The following TMEM245 variants were observed in gnomAD, a reference collection of about 807,000 sequenced individuals.
The protein encoded by TMEM245 is transmembrane protein 245, also known as protein CG-2.
TMEM245 carries 69 observed loss-of-function variants against 101.2 expected under a neutral mutation model. That is an observed-to-expected ratio of 0.68 (90% CI 0.56 to 0.83). TMEM245 has a LOEUF of 0.83. TMEM245 is among the 40% of genes least tolerant of loss of function. The probability of loss-of-function intolerance (pLI) is 0.00; values close to 1 mark genes in which losing one functional copy is unlikely to be tolerated. For synonymous variants in TMEM245, 537 were observed against 449.8 expected, an observed-to-expected ratio of 1.19 and a Z score of -2.45; for missense variants, 1,075 against 1,092.8, an observed-to-expected ratio of 0.98 and a Z score of 0.23.
In TMEM245 at chr9:109,119,530, G is replaced by A; in HGVS notation, c.384C>T (p.Leu128=). 5 of 1,529,212 alleles carry A rather than the reference G, an allele frequency of 3.3e-6. No individual in the cohort carries two copies. Among genetic ancestry groups the A allele is most frequent in the East Asian group, 2.6e-5 (1 of 38,952 alleles). The allele number at this position is 1,529,212 out of a possible 1,614,324, so 94.7% of individuals were successfully genotyped here. The change falls in exon 1 of 18, where the codon CTC becomes CTT. Residue 128 remains leucine (L), a synonymous_variant. Coordinates refer to ENST00000374586, the MANE Select transcript of TMEM245 (RefSeq NM_032012.4). Reference sequence around the variant, plus strand: ...CCTCGACGCCGTAGTCGACGAAGCAGAGCGGCAGGAGCAGCGCGGCCAGGA... The same window carrying A: ...CCTCGACGCCGTAGTCGACGAAGCAAAGCGGCAGGAGCAGCGCGGCCAGGA... The part of the protein sequence containing the change: ...PIVLAALLLP[L]CFVDYGVEAL...
chr9:109,036,928 G>A (rs747920182), intron 15 of TMEM245, among the ~76,000 whole-genome samples: 3 of 152,152 alleles, frequency 2.0e-5, no homozygotes, highest in Non-Finnish European at 2.9e-5. Flanking sequence ...CAGAAGCCAG[G>A]TACATGACCT....
At chr9:109,058,522 A>C (rs942906420) in intron 11 of TMEM245, among the ~76,000 whole-genome samples, 1 of 152,154 alleles carries the variant, frequency 6.6e-6, no homozygotes, top group African/African-American at 2.4e-5. Context: ...ACTTGAGCCT[A>C]GCCGTTCAAG....
chr9:109,020,455 C>G lies in TMEM245; in HGVS notation c.*5G>C. The G allele has an allele frequency of 6.2e-7, 1 of 1,613,982 alleles. No individual in the cohort carries two copies. Among genetic ancestry groups the G allele is most frequent in the Non-Finnish European group, 8.5e-7 (1 of 1,179,884 alleles). On this transcript the variant is annotated 3_prime_UTR_variant, in exon 18 of 18. Coordinates refer to ENST00000374586, the MANE Select transcript of TMEM245 (RefSeq NM_032012.4). ...CCTAGAAAAATCACTGCAGAGGAAA[C>G]CACATCAACCTACTGAAGATTTCAG...
intron 1 of TMEM245, among the ~76,000 whole-genome samples, chr9:109,112,541 CAA>C (rs533252943): frequency 1.1e-4 from 12 of 106,544 alleles, no homozygotes; most frequent in Admixed American, 4.1e-4. Flanking sequence ...AACTCCATCT[CAA>C]AAAAAAAAAA....
rs372390706 is a variant in TMEM245, at chr9:109,087,341, G to A, written c.1152C>T (p.Val384=). ...IVQLLPVPIA[V]WILKKLVIHF... ...GAATGACAAGCTTTTTGAGTATCCA[G>A]ACTAAAAAAAGACAAAAAATACATA... The change falls in exon 6 of 18, where the codon GTC becomes GTT. Residue 384 remains valine, a splice_region_variant and synonymous_variant. Transcript: ENST00000374586. 1.3e-6 allele frequency: 2 copies of A among 1,582,132 alleles called. No homozygotes were observed. The highest frequency in any genetic ancestry group is 2.0e-5 in the Admixed American group (1 of 51,054).
intron 10 of TMEM245, among the ~76,000 whole-genome samples, chr9:109,063,828 T>C (rs1223291088): frequency 6.6e-6 from 1 of 152,224 alleles, no homozygotes; most frequent in Non-Finnish European, 1.5e-5. Context: ...AATACCCTTC[T>C]TAAAATCCAC....
intron 1 of TMEM245, among the ~76,000 whole-genome samples, chr9:109,115,210 C>T (rs547053292): frequency 2.6e-5 from 4 of 152,000 alleles, no homozygotes; most frequent in Middle Eastern, 3.4e-3. Flanking sequence ...ATTAGCCGGG[C>T]GTGGTGGGTG....
intron 5 of TMEM245, among the ~76,000 whole-genome samples, chr9:109,088,413 C>G (rs1297694160): frequency 6.6e-6 from 1 of 152,020 alleles, no homozygotes; most frequent in Non-Finnish European, 1.5e-5. Context: ...CCTATGATGA[C>G]TAGAAGGTTA....
chr9:109,109,968 T>G (rs765626658), intron 1 of TMEM245, among the ~76,000 whole-genome samples: 21 of 152,304 alleles, frequency 1.4e-4, no homozygotes, highest in Non-Finnish European at 2.5e-4. Context: ...TTGTTTTTCC[T>G]TTCACTTTTT....
At chr9:109,081,918 G>T (rs1309030665) in intron 7 of TMEM245, among the ~76,000 whole-genome samples, 2 of 114,650 alleles carry the variant, frequency 1.7e-5, no homozygotes, top group Non-Finnish European at 3.8e-5. Context: ...ATACTTGATA[G>T]ATTGCTAGAA....
At chr9:109,041,503 A>G (rs1828307225) in intron 14 of TMEM245, among the ~76,000 whole-genome samples, 1 of 114,620 alleles carries the variant, frequency 8.7e-6, no homozygotes, top group South Asian at 2.7e-4. Context: ...TCAATCTGTC[A>G]CCCAGGCTGG....
intron 5 of TMEM245, among the ~76,000 whole-genome samples, chr9:109,088,001 C>T (rs1463480914): frequency 6.6e-6 from 1 of 152,196 alleles, no homozygotes; most frequent in Non-Finnish European, 1.5e-5. Flanking sequence ...ACACTGTCTC[C>T]TCCTGGAGTT....
intron 4 of TMEM245, among the ~76,000 whole-genome samples, chr9:109,092,829 G>A (rs183963951): frequency 6.6e-6 from 1 of 152,198 alleles, no homozygotes; most frequent in African/African-American, 2.4e-5. Flanking sequence ...GATTCCTCAG[G>A]AGCCTGCAAT....
chr9:109,067,972 C>A (rs777575920), intron 9 of TMEM245, among the ~76,000 whole-genome samples: 32 of 152,164 alleles, frequency 2.1e-4, no homozygotes, highest in Non-Finnish European at 3.1e-4. Flanking sequence ...AAACCATTAT[C>A]ATTATTTCAT....
At chr9:109,092,215 T>A (rs1375933349) in intron 4 of TMEM245, among the ~76,000 whole-genome samples, 1 of 152,224 alleles carries the variant, frequency 6.6e-6, no homozygotes, top group Non-Finnish European at 1.5e-5. Flanking sequence ...CAATAGTATC[T>A]CATATATAGG....
At chr9:109,068,124 T>C (rs998579287) in intron 9 of TMEM245, among the ~76,000 whole-genome samples, 3 of 152,050 alleles carry the variant, frequency 2.0e-5, no homozygotes, top group South Asian at 2.1e-4. Flanking sequence ...TCCCAGCACT[T>C]TGGTAGGCCG....
intron 1 of TMEM245, among the ~76,000 whole-genome samples, chr9:109,116,769 T>C (rs1411989819): frequency 6.6e-6 from 1 of 151,338 alleles, no homozygotes; most frequent in Non-Finnish European, 1.5e-5. Flanking sequence ...CTCAAGTGAT[T>C]CACCTGTGTG....
intron 3 of TMEM245, among the ~76,000 whole-genome samples, chr9:109,101,471 T>G (rs1344999953): frequency 6.6e-6 from 1 of 152,200 alleles, no homozygotes; most frequent in Non-Finnish European, 1.5e-5. Flanking sequence ...CCAGATGGTT[T>G]GAGTTCTGAT....
intron 9 of TMEM245, among the ~76,000 whole-genome samples, chr9:109,069,494 G>A (rs1361223342): frequency 6.6e-6 from 1 of 152,072 alleles, no homozygotes; most frequent in Non-Finnish European, 1.5e-5. Flanking sequence ...AAGAGCCAGA[G>A]GACAGAAGAC....
Sources: gnomAD v4.1 joint callset for allele counts (sites outside exome capture counted in the v4.1 genomes callset) on GRCh38, gnomAD v4.1.1 for gene constraint, MANE v1.5 for transcripts, NCBI Gene and HGNC (gene_info 2026-07-23, HGNC 2026-07-21) for gene names.